Variants in ASAP3 observed in about 807,000 individuals in gnomAD.
The protein encoded by ASAP3 is ArfGAP with SH3 domain, ankyrin repeat and PH domain 3, also known as arf-GAP with SH3 domain, ANK repeat and PH domain-containing protein 3.
In ASAP3, 85 loss-of-function variants were observed where a neutral mutation model predicts 118.2. The observed-to-expected ratio is 0.72, with a 90% CI of 0.60 to 0.86. ASAP3 has a LOEUF of 0.86. Ranked by LOEUF, ASAP3 falls within the 40% of genes least tolerant of loss-of-function variation. The probability of loss-of-function intolerance (pLI) is 0.00; values close to 1 mark genes in which losing one functional copy is unlikely to be tolerated. For missense variants in ASAP3, 1,026 were observed against 1,175.0 expected (o/e 0.87, Z 1.85); for synonymous variants, 432 against 477.4 (o/e 0.90, Z 1.24).
rs116091090 is a variant in ASAP3 at position 23,475,501 on chromosome 1, T to A, written c.129+8504A>T. 3.2e-3 allele frequency among the ~76,000 whole-genome samples: 486 copies of A among 152,316 alleles called. 3 individuals carry two copies. Among genetic ancestry groups the A allele is most frequent in the African/African-American group, 0.011 (465 of 41,576 alleles). ...AGCCTAAGATACCACCACTGAATCA[T>A]ACTCTCTGGGAATGACGCCAAGTGA... On this transcript the variant is annotated intron_variant, in intron 1 of 24. Coordinates refer to ENST00000336689, the MANE Select transcript of ASAP3 (RefSeq NM_017707.4).
At chr1:23,471,275 A>C (rs923043877) in intron 1 of ASAP3, among the ~76,000 whole-genome samples, 6 of 151,720 alleles carry the variant, frequency 4.0e-5, no homozygotes, top group African/African-American at 7.3e-5. Flanking sequence ...ATCTTTCCCG[A>C]CTCAACTTAC....
intron 5 of ASAP3, among the ~76,000 whole-genome samples, chr1:23,448,641 T>G (rs1641119076): frequency 6.6e-6 from 1 of 151,820 alleles, no homozygotes; most frequent in South Asian, 2.1e-4. Context: ...TATTATCAAT[T>G]TTTTAAATAG....
chr1:23,481,190 C>G (rs1436684915), intron 1 of ASAP3, among the ~76,000 whole-genome samples: 1 of 152,188 alleles, frequency 6.6e-6, no homozygotes. Context: ...AAAAGGGTCC[C>G]TCAGCCCTGA....
chr1:23,442,167 G>C lies in ASAP3; in HGVS notation c.671+19C>G. On this transcript the variant is annotated intron_variant, in intron 7 of 24. Transcript: ENST00000336689. ...TGACACTGGAAGGGTTAGTGGCAGG[G>C]ACGCGGGAAGATACCTACTTGTGCT... 6.3e-7 allele frequency: 1 copy of C among 1,582,360 alleles called. No homozygotes were observed. The highest frequency in any genetic ancestry group is 8.6e-7 in the Non-Finnish European group (1 of 1,164,332).
At chr1:23,477,382 A>AG (rs1194609016) in intron 1 of ASAP3, among the ~76,000 whole-genome samples, 1 of 149,774 alleles carries the variant, frequency 6.7e-6, no homozygotes, top group Non-Finnish European at 1.5e-5. Flanking sequence ...ATCTCAAAAA[A>AG]AAAAAAAAAA....
intron 3 of ASAP3, 132 bp downstream of exon 3, chr1:23,455,749 C>G (rs1641361026): frequency 1.7e-6 from 2 of 1,155,466 alleles, no homozygotes; most frequent in Non-Finnish European, 2.5e-6. Flanking sequence ...TGGAAAGGGA[C>G]CTCAGGTCTG....
In ASAP3 at chr1:23,441,217, C is replaced by T; in HGVS notation, c.835-6G>A. The T allele has an allele frequency of 1.9e-6, 3 of 1,614,150 alleles. No individual in the cohort carries two copies. The highest frequency in any genetic ancestry group is 2.5e-6 in the Non-Finnish European group (3 of 1,180,026). On this transcript the variant is annotated splice_polypyrimidine_tract_variant and splice_region_variant and intron_variant, in intron 9 of 24. Coordinates refer to ENST00000336689, the MANE Select transcript of ASAP3 (RefSeq NM_017707.4). ...TTCTTCCGGCTCAGGTGTTCCTGTC[C>T]CTCGGACATGCAAAGGAGACCTCAG...
chr1:23,448,051 C>T (rs1243484636), intron 5 of ASAP3, among the ~76,000 whole-genome samples: 2 of 152,100 alleles, frequency 1.3e-5, no homozygotes, highest in Admixed American at 6.5e-5. Context: ...ATTTTTAAAA[C>T]ATTTCTAAAA....
At chr1:23,470,140 C>T (rs1350789180) in intron 1 of ASAP3, among the ~76,000 whole-genome samples, 1 of 152,124 alleles carries the variant, frequency 6.6e-6, no homozygotes, top group East Asian at 1.9e-4. Flanking sequence ...CGAGTTCCTT[C>T]CTCCTTCTAT....
chr1:23,484,069 G>T lies in ASAP3; in HGVS notation c.65C>A (p.Ala22Asp). 1 of 1,351,930 alleles carries T rather than the reference G, an allele frequency of 7.4e-7. No homozygotes were observed. Among genetic ancestry groups the T allele is most frequent in the Middle Eastern group, 2.7e-4 (1 of 3,772 alleles). The allele number at this position is 1,351,930 out of a possible 1,614,324, so 83.7% of individuals were successfully genotyped here. A position where few individuals can be genotyped will look rare whatever the true frequency, so the allele number is the denominator to read the frequency against. ...CTTGGCGGCGAAGGCGGCGGCCCCA[G>T]CCGGGGAGCTGAGGTCCTCCGCGGT... ...AVTAEDLSSPAGAAAFAAKMP... is the reference protein window; with the variant it reads ...AVTAEDLSSPDGAAAFAAKMP... The change falls in exon 1 of 25, where the codon GCT (alanine) becomes GAT (aspartate). Residue 22 changes from alanine (A) to aspartate (D), a missense_variant. Ala to Asp is a moderately radical substitution (Grantham distance 126). Coordinates refer to ENST00000336689, the MANE Select transcript of ASAP3 (RefSeq NM_017707.4).
intron 17 of ASAP3, among the ~76,000 whole-genome samples, chr1:23,435,277 C>A (rs938607499): frequency 6.6e-6 from 1 of 152,222 alleles, no homozygotes; most frequent in Non-Finnish European, 1.5e-5. Flanking sequence ...GATCCTTTCA[C>A]TTTGGCCTCC....
At chr1:23,433,027 G>A (rs1640493969) in intron 22 of ASAP3, 50 bp downstream of exon 22, 1 of 1,606,282 alleles carries the variant, frequency 6.2e-7, no homozygotes, top group East Asian at 2.2e-5. Context: ...AGCATATACA[G>A]GTCCTCTGTG....
intron 1 of ASAP3, among the ~76,000 whole-genome samples, chr1:23,477,686 C>A (rs750189694): frequency 9.9e-5 from 15 of 152,162 alleles, no homozygotes; most frequent in Non-Finnish European, 1.3e-4. Flanking sequence ...GTACAATGAG[C>A]AACTTCTGAC....
At chr1:23,464,960 T>C (rs1641720403) in intron 1 of ASAP3, among the ~76,000 whole-genome samples, 1 of 152,214 alleles carries the variant, frequency 6.6e-6, no homozygotes, top group South Asian at 2.1e-4. Context: ...AGTATGGGGC[T>C]GTCCCCAAAC....
Position 23,456,331 on chromosome 1 carries a change from T to C in ASAP3, c.130-137A>G, listed in dbSNP as rs111915263. The C allele has an allele frequency of 8.3e-5, 66 of 793,332 alleles. No homozygotes were observed. The Middle Eastern group carries it at 3.4e-3, about 41-fold the overall frequency. The allele number at this position is 793,332 out of a possible 1,614,324, so 49.1% of individuals were successfully genotyped here. On this transcript the variant is annotated intron_variant, in intron 1 of 24. Coordinates refer to ENST00000336689, the MANE Select transcript of ASAP3 (RefSeq NM_017707.4). Reference sequence around the variant, plus strand: ...ATTGAGTTTTGCTGTCCTCTGGAACTTATCCCTAGGGTCTTCCTGTTTACC... The same window carrying C: ...ATTGAGTTTTGCTGTCCTCTGGAACCTATCCCTAGGGTCTTCCTGTTTACC...
At chr1:23,483,960 A>C in intron 1 of ASAP3, 45 bp downstream of exon 1, 1 of 1,248,242 alleles carries the variant, frequency 8.0e-7, no homozygotes, top group Non-Finnish European at 1.0e-6. Flanking sequence ...GGTCAAGGCC[A>C]GGCCCGGCGC....
At chr1:23,478,861 G>A (rs1310920352) in intron 1 of ASAP3, among the ~76,000 whole-genome samples, 1 of 152,180 alleles carries the variant, frequency 6.6e-6, no homozygotes, top group Non-Finnish European at 1.5e-5. Flanking sequence ...CTAAACCAGG[G>A]AGGTACAGAA....
At chr1:23,482,724 G>A (rs1642347691) in intron 1 of ASAP3, among the ~76,000 whole-genome samples, 3 of 151,948 alleles carry the variant, frequency 2.0e-5, no homozygotes, top group East Asian at 1.9e-4. Flanking sequence ...CGAGACGGGC[G>A]GATCATGAGG....
At chr1:23,478,642 C>A (rs2148665101) in intron 1 of ASAP3, among the ~76,000 whole-genome samples, 1 of 151,990 alleles carries the variant, frequency 6.6e-6, no homozygotes, top group East Asian at 1.9e-4. Flanking sequence ...CACCTGTAGT[C>A]CCAGCTACTC....
Sources: gnomAD v4.1 joint callset for allele counts (sites outside exome capture counted in the v4.1 genomes callset) on GRCh38, gnomAD v4.1.1 for gene constraint, MANE v1.5 for transcripts, NCBI Gene and HGNC (gene_info 2026-07-23, HGNC 2026-07-21) for gene names.